The following NRG3 variants were observed in gnomAD, a reference collection of about 807,000 sequenced individuals.
The protein encoded by NRG3 is pro-neuregulin-3, membrane-bound isoform.
NRG3 carries 31 observed loss-of-function variants against 66.9 expected under a neutral mutation model. The ratio of observed to expected loss-of-function variants is 0.46; its 90% CI spans 0.35 to 0.63. The LOEUF (loss-of-function observed/expected upper bound fraction) is 0.63. Ranked by LOEUF, NRG3 falls within the 20% of genes least tolerant of loss-of-function variation. The probability of loss-of-function intolerance (pLI) is 0.00; values close to 1 mark genes in which losing one functional copy is unlikely to be tolerated. For synonymous variants in NRG3, 393 were observed against 359.4 expected, an observed-to-expected ratio of 1.09 and a Z score of -1.06; for missense variants, 910 against 878.9, an observed-to-expected ratio of 1.04 and a Z score of -0.45.
chr10:82,804,170 C>T (rs948230616), intron 3 of NRG3, among the ~76,000 whole-genome samples: 5 of 152,062 alleles, frequency 3.3e-5, no homozygotes, highest in Admixed American at 1.3e-4. Flanking sequence ...AATTTGCACC[C>T]GCCAAAGAGA....
chr10:82,376,213 T>C (rs2085227330), intron 2 of NRG3, among the ~76,000 whole-genome samples: 1 of 152,190 alleles, frequency 6.6e-6, no homozygotes, highest in Non-Finnish European at 1.5e-5. Context: ...TCTTCCACTT[T>C]AGCTGCAGAG....
intron 2 of NRG3, among the ~76,000 whole-genome samples, chr10:82,418,424 AAATGTTTATGCAAATTAACCAGTTTATG>A (rs2088772595): frequency 6.6e-6 from 1 of 152,216 alleles, no homozygotes; most frequent in African/African-American, 2.4e-5. Flanking sequence ...CAGTTTATGC[AAATGTTTATGCAAATTAACCAGTTTATG>A]CAAATGAAAA....
At chr10:82,184,958 CTAAT>C (rs1009720936) in intron 1 of NRG3, among the ~76,000 whole-genome samples, 7 of 152,046 alleles carry the variant, frequency 4.6e-5, no homozygotes, top group African/African-American at 1.7e-4. Flanking sequence ...AATTAAGCTG[CTAAT>C]TAATTGACAG....
intron 1 of NRG3, among the ~76,000 whole-genome samples, chr10:82,016,201 CAGT>C (rs2061779619): frequency 6.6e-6 from 1 of 151,932 alleles, no homozygotes; most frequent in African/African-American, 2.4e-5. Context: ...CATATTAATG[CAGT>C]AGAAGTGTTA....
intron 1 of NRG3, among the ~76,000 whole-genome samples, chr10:82,017,913 T>G (rs2061863361): frequency 6.6e-6 from 1 of 152,218 alleles, no homozygotes; most frequent in African/African-American, 2.4e-5. Flanking sequence ...GATGGCAGTT[T>G]CTTTTGCTGT....
At chr10:82,336,181 G>T (rs1589758640) in intron 1 of NRG3, among the ~76,000 whole-genome samples, 1 of 152,216 alleles carries the variant, frequency 6.6e-6, no homozygotes, top group East Asian at 1.9e-4. Flanking sequence ...ATGGGCAAAA[G>T]CTCATTTTAC....
intron 2 of NRG3, among the ~76,000 whole-genome samples, chr10:82,583,877 A>G (rs917992357): frequency 6.6e-6 from 1 of 152,176 alleles, no homozygotes; most frequent in Non-Finnish European, 1.5e-5. Context: ...CCAAAGTCTC[A>G]ATCTCACCCC....
intron 2 of NRG3, among the ~76,000 whole-genome samples, chr10:82,487,923 A>C (rs946513645): frequency 2.6e-5 from 4 of 152,196 alleles, no homozygotes; most frequent in Admixed American, 1.3e-4. Flanking sequence ...AGACCATCAC[A>C]TGGATACAGT....
intron 1 of NRG3, among the ~76,000 whole-genome samples, chr10:82,221,684 A>G (rs947229954): frequency 1.3e-5 from 2 of 152,234 alleles, no homozygotes; most frequent in Admixed American, 6.5e-5. Context: ...AGAGAAAATA[A>G]AACAAGTGAT....
intron 2 of NRG3, among the ~76,000 whole-genome samples, chr10:82,522,039 CTTTTTTTT>C (rs71009811): frequency 1.0e-5 from 1 of 97,744 alleles, no homozygotes; most frequent in African/African-American, 3.6e-5. Context: ...CCGCTGAAGT[CTTTTTTTT>C]TTTTTTTTTT....
intron 3 of NRG3, among the ~76,000 whole-genome samples, chr10:82,854,173 T>C (rs192209740): frequency 6.6e-6 from 1 of 152,318 alleles, no homozygotes; most frequent in East Asian, 1.9e-4. Context: ...ATCCAAGGCA[T>C]AATAATTCTA....
At chr10:81,934,450 G>C (rs756081485) in intron 1 of NRG3, among the ~76,000 whole-genome samples, 1 of 152,112 alleles carries the variant, frequency 6.6e-6, no homozygotes, top group African/African-American at 2.4e-5. Flanking sequence ...CGTGGTAATT[G>C]CTGTGACACA....
intron 4 of NRG3, among the ~76,000 whole-genome samples, chr10:82,903,172 T>G (rs1844399587): frequency 6.6e-6 from 1 of 152,188 alleles, no homozygotes; most frequent in South Asian, 2.1e-4. Context: ...ATGTCTTCAC[T>G]GCATACCATT....
intron 4 of NRG3, among the ~76,000 whole-genome samples, chr10:82,876,053 T>A (rs529501287): frequency 6.6e-6 from 1 of 152,212 alleles, no homozygotes; most frequent in Non-Finnish European, 1.5e-5. Flanking sequence ...AGAACATGAG[T>A]ATTTCTGTAA....
At chr10:82,238,661 A>G (rs1189128057) in intron 1 of NRG3, among the ~76,000 whole-genome samples, 1 of 151,934 alleles carries the variant, frequency 6.6e-6, no homozygotes, top group African/African-American at 2.4e-5. Flanking sequence ...CATAATGTGT[A>G]CATCTGGATT....
chr10:82,333,758 A>T (rs2082254038), intron 1 of NRG3, among the ~76,000 whole-genome samples: 1 of 152,070 alleles, frequency 6.6e-6, no homozygotes, highest in African/African-American at 2.4e-5. Context: ...TTTTGGGTGG[A>T]GTCTGAGTGT....
At chr10:82,962,491 T>G (rs977528699) in intron 6 of NRG3, among the ~76,000 whole-genome samples, 2 of 152,048 alleles carry the variant, frequency 1.3e-5, no homozygotes, top group African/African-American at 4.8e-5. Flanking sequence ...GAGGTAACAT[T>G]AAATGAGAAA....
chr10:82,952,370 T>A, intron 5 of NRG3, among the ~76,000 whole-genome samples: 1 of 151,292 alleles, frequency 6.6e-6, no homozygotes, highest in Non-Finnish European at 1.5e-5. Flanking sequence ...GAGGTGGAAG[T>A]TGCAGTGAGC....
intron 3 of NRG3, among the ~76,000 whole-genome samples, chr10:82,784,052 T>C (rs1288969115): frequency 0.014 from 2,098 of 150,894 alleles, 49 homozygotes; most frequent in African/African-American, 0.049. Flanking sequence ...GAAATAATGC[T>C]GCGTATCTAC....
Sources: allele counts gnomAD v4.1 joint callset (sites outside exome capture counted in the v4.1 genomes callset), GRCh38; gene constraint gnomAD v4.1.1; transcripts MANE v1.5; gene names NCBI Gene and HGNC (gene_info 2026-07-23, HGNC 2026-07-21).